Variants in ARHGEF11 observed in about 807,000 individuals in gnomAD.
ARHGEF11 encodes the protein Rho guanine exchange factor (GEF) 11.
A neutral mutation model predicts 193.7 loss-of-function variants in ARHGEF11; 55 were observed. The observed-to-expected ratio is 0.28, with a 90% confidence interval of 0.23 to 0.36. The LOEUF is 0.36. Among genes scored for constraint, ARHGEF11 ranks in the 10% least tolerant of loss-of-function variants. ARHGEF11 has a pLI of 1.00. For missense variants in ARHGEF11, 1,723 were observed against 2,005.6 expected (o/e 0.86, Z 2.69); for synonymous variants, 693 against 768.0 (o/e 0.90, Z 1.62).
At chr1:156,953,288 A>T (rs1384305795) in intron 21 of ARHGEF11, among the ~76,000 whole-genome samples, 1 of 152,208 alleles carries the variant, frequency 6.6e-6, no homozygotes, top group East Asian at 1.9e-4. Flanking sequence ...ACAAAAAATA[A>T]ATTAGCCAGG....
Position 156,946,969 on chromosome 1 carries a change from G to C in ARHGEF11, c.2535C>G (p.Ile845Met). ...GCATGAGGTCACTGATCTCTTTGAT[G>C]ATGGGGCCTTCCTCCCGGAGCTTCT... Reference protein sequence around the residue: ...AMKKLREEGPIIKEISDLMLA... With the variant: ...AMKKLREEGPMIKEISDLMLA... Residue 845 changes from isoleucine (I) to methionine (M), a missense_variant, in exon 27 of 41, where the codon ATC (isoleucine) becomes ATG (methionine). Around this residue, in one of 5 missense-constraint regions of ARHGEF11, gnomAD observed 491 missense variants for 654.5 expected, o/e 0.75. Transcript: ENST00000368194. 6.2e-7 allele frequency: 1 copy of C among 1,614,124 alleles called. No homozygotes were observed. The highest frequency in any genetic ancestry group is 8.5e-7 in the Non-Finnish European group (1 of 1,180,028).
chr1:156,974,590 G>C (rs139932505), intron 7 of ARHGEF11, among the ~76,000 whole-genome samples: 208 of 152,262 alleles, frequency 1.4e-3, no homozygotes, highest in African/African-American at 4.7e-3. Context: ...GAGTTGTGCA[G>C]CCACCCCTAC....
In ARHGEF11 at chr1:156,936,896, C is replaced by G; in HGVS notation, c.4550G>C (p.Gly1517Ala). 1 of 1,614,130 alleles carries G rather than the reference C, an allele frequency of 6.2e-7. No individual in the cohort carries two copies. The highest frequency in any genetic ancestry group is 8.5e-7 in the Non-Finnish European group (1 of 1,180,032). Residue 1517 changes from glycine (G) to alanine (A), a missense_variant, in exon 40 of 41, where the codon GGC becomes GCC. By Grantham distance (60) the Gly-to-Ala change is moderately conservative. This residue lies in a region of ARHGEF11 where 360 missense variants were observed against 344.4 expected (regional missense o/e 1.05). Transcript: ENST00000368194. ...CTCCTTAGCGGGAGGTGAGAGGGAGCCATCTGTCCATCTAGCTGCTTCTGT... is the reference window on the plus strand; with the variant it reads ...CTCCTTAGCGGGAGGTGAGAGGGAGGCATCTGTCCATCTAGCTGCTTCTGT... The part of the protein sequence containing the change: ...FHTEAARWTD[G>A]SLSPPAKEPL...
chr1:156,971,367 A>AT (rs1662461166), intron 8 of ARHGEF11, among the ~76,000 whole-genome samples: 1 of 152,252 alleles, frequency 6.6e-6, no homozygotes. Flanking sequence ...AGAAATGTAC[A>AT]TACATCCACT....
intron 1 of ARHGEF11, among the ~76,000 whole-genome samples, chr1:156,987,528 GA>G (rs1665107344): frequency 6.6e-6 from 1 of 152,092 alleles, no homozygotes; most frequent in Non-Finnish European, 1.5e-5. Context: ...GAATACAAAA[GA>G]AACATATAAC....
intron 39 of ARHGEF11, 116 bp downstream of exon 39, chr1:156,937,133 T>C: frequency 6.4e-7 from 1 of 1,570,168 alleles, no homozygotes; most frequent in South Asian, 1.2e-5. Context: ...TGGGGGAAGA[T>C]CCCTGGGCCA....
intron 1 of ARHGEF11, among the ~76,000 whole-genome samples, chr1:157,035,817 TAGGA>T (rs1671873122): frequency 0.015 from 9 of 590 alleles, 1 homozygote; most frequent in Non-Finnish European, 0.035. Flanking sequence ...AATATATATA[TAGGA>T]ATATATATAT....
rs1441702975 is a variant in ARHGEF11 at position 156,978,272 on chromosome 1, T to C, written c.442A>G (p.Ile148Val). ...GGTGGAGGAGGTGGTGGTGAGGGGA[T>C]CACTGACGTGATTCGGGGAGCTCCT... ...PAGAPRITSV[I>V]PSPPPPPPLP... The change falls in exon 6 of 41, where the codon ATC (isoleucine) becomes GTC (valine). Residue 148 changes from isoleucine to valine, a missense_variant. Coordinates refer to ENST00000368194, the MANE Select transcript of ARHGEF11 (RefSeq NM_198236.3). The C allele has an allele frequency of 6.2e-7, 1 of 1,613,996 alleles. No individual in the cohort carries two copies. Among genetic ancestry groups the C allele is most frequent in the South Asian group, 1.1e-5 (1 of 91,068 alleles).
intron 33 of ARHGEF11, 107 bp downstream of exon 33, chr1:156,942,583 G>C: frequency 1.0e-6 from 1 of 965,902 alleles, no homozygotes; most frequent in South Asian, 1.5e-5. Context: ...CCTTGTCCAG[G>C]GACTGCTTTG....
intron 6 of ARHGEF11, 35 bp from the exon 7 acceptor site, chr1:156,977,089 G>T (rs1252477211): frequency 3.8e-6 from 6 of 1,564,280 alleles, no homozygotes; most frequent in African/African-American, 1.4e-5. Context: ...TAAGAGTTAG[G>T]GACTAACTCA....
intron 29 of ARHGEF11, 136 bp from the exon 30 acceptor site, chr1:156,945,333 T>C (rs1447822901): frequency 5.5e-6 from 5 of 906,772 alleles, no homozygotes; most frequent in Non-Finnish European, 8.3e-6. Flanking sequence ...GGAGCCACCC[T>C]TGCCTCACAT....
At chr1:156,937,692 C>T (rs1655781334) in intron 38 of ARHGEF11, among the ~76,000 whole-genome samples, 196 bp from the exon 39 acceptor site, 1 of 152,212 alleles carries the variant, frequency 6.6e-6, no homozygotes, top group Non-Finnish European at 1.5e-5. Flanking sequence ...CTAGATGACA[C>T]TTGCTCAGTC....
chr1:156,944,467 TTC>T, intron 30 of ARHGEF11, 34 bp from the exon 31 acceptor site: 1 of 1,590,260 alleles, frequency 6.3e-7, no homozygotes, highest in Non-Finnish European at 8.6e-7. Context: ...CATTCATTCA[TTC>T]ATTCATTCAT....
chr1:156,955,275 G>A (rs898402658), intron 20 of ARHGEF11, among the ~76,000 whole-genome samples: 1 of 149,454 alleles, frequency 6.7e-6, no homozygotes, highest in African/African-American at 2.5e-5. Flanking sequence ...TCCCAAACTT[G>A]CCCCCAACCT....
rs1031642829 is a variant in ARHGEF11 at position 157,045,698 on chromosome 1, A to AGGCTGCGGC, written c.-1377_-1369dup. On this transcript the variant is annotated 5_prime_UTR_variant, in exon 1 of 41. Coordinates refer to ENST00000368194, the MANE Select transcript of ARHGEF11 (RefSeq NM_198236.3). ...GGACGCCAGGCTCGGCGCACAGGGA[A>AGGCTGCGGC]GGCTGCGGCGGCTGCGGCAGGCCGG... Among the ~76,000 whole-genome samples the AGGCTGCGGC allele has an allele frequency of 7.3e-5, 11 of 150,026 alleles. No homozygotes were observed. The highest frequency in any genetic ancestry group is 2.7e-4 in the African/African-American group (11 of 41,140).
chr1:156,980,425 G>A lies in ARHGEF11; in HGVS notation c.273+12C>T. 6.2e-7 allele frequency: 1 copy of A among 1,603,000 alleles called. No homozygotes were observed. The highest frequency in any genetic ancestry group is 8.5e-7 in the Non-Finnish European group (1 of 1,174,302). ...ACTGCTGGGAGTGGGAGTGTGTGTTGGGGTCACTCACTTTGATGATCCGGT... is the reference window on the plus strand; with the variant it reads ...ACTGCTGGGAGTGGGAGTGTGTGTTAGGGTCACTCACTTTGATGATCCGGT... On this transcript the variant is annotated intron_variant, in intron 4 of 40. Coordinates refer to ENST00000368194, the MANE Select transcript of ARHGEF11 (RefSeq NM_198236.3).
intron 1 of ARHGEF11, among the ~76,000 whole-genome samples, chr1:157,035,256 G>A (rs915652842): frequency 2.6e-5 from 4 of 152,110 alleles, no homozygotes; most frequent in African/African-American, 4.8e-5. Flanking sequence ...GTCCTTAGTT[G>A]AGAATCAGCA....
At position 156,963,519 on chromosome 1, in the gene ARHGEF11, C is replaced by T; in HGVS notation, c.1038+1G>A. The stretch of plus-strand genomic sequence containing the variant: ...AAAGGAGAAAACTAGGAAACCGTTA[C>T]CTCGTTGTTGAAATAACCCGGGTCA... On this transcript the variant is annotated splice_donor_variant, in intron 12 of 40. Transcript: ENST00000368194. LOFTEE classifies it high-confidence loss of function. 6.2e-7 allele frequency: 1 copy of T among 1,613,206 alleles called. No homozygotes were observed. Among genetic ancestry groups the T allele is most frequent in the Non-Finnish European group, 8.5e-7 (1 of 1,179,690 alleles).
In ARHGEF11 at chr1:156,936,935, A is replaced by T; in HGVS notation, c.4511T>A (p.Val1504Glu). 6.2e-7 allele frequency: 1 copy of T among 1,613,968 alleles called. No homozygotes were observed. Among genetic ancestry groups the T allele is most frequent in the Non-Finnish European group, 8.5e-7 (1 of 1,179,990 alleles). The stretch of plus-strand genomic sequence containing the variant: ...AGCTGCTTCTGTGTGGAAACTGCCC[A>T]CAGGCGTGGTGCCACCAGATGACTC... ...GGESSGGTTP[V>E]GSFHTEAARW... Residue 1504 changes from valine (V) to glutamate (E), a missense_variant, in exon 40 of 41, where the codon GTG becomes GAG. Around this residue, in one of 5 missense-constraint regions of ARHGEF11, gnomAD observed 360 missense variants for 344.4 expected, o/e 1.05. Transcript: ENST00000368194.
Sources: gnomAD v4.1 joint callset for allele counts (sites outside exome capture counted in the v4.1 genomes callset) on GRCh38, gnomAD v4.1.1 for gene constraint, gnomAD v4.1.1 regional missense constraint, MANE v1.5 for transcripts, NCBI Gene and HGNC (gene_info 2026-07-23, HGNC 2026-07-21) for gene names.